ADARB2: variants seen among roughly 807,000 people sequenced by gnomAD.
ADARB2 encodes the protein inactive double-stranded RNA-specific editase B2.
ADARB2 carries 25 observed loss-of-function variants against 62.2 expected under a neutral mutation model. The observed-to-expected ratio is 0.40, with a 90% CI of 0.29 to 0.56. ADARB2 has a LOEUF of 0.56. ADARB2 is among the 20% of genes least tolerant of loss of function. ADARB2 has a pLI of 0.43. For missense variants in ADARB2, 1,071 were observed against 1,077.4 expected (o/e 0.99, Z 0.08); for synonymous variants, 572 against 500.8 (o/e 1.14, Z -1.90).
At chr10:1,250,932 C>T (rs112262399) in intron 4 of ADARB2, among the ~76,000 whole-genome samples, 6 of 152,232 alleles carry the variant, frequency 3.9e-5, no homozygotes, top group African/African-American at 1.2e-4. Context: ...GAAATTGACC[C>T]AACACGTGCA....
intron 1 of ADARB2, among the ~76,000 whole-genome samples, chr10:1,381,173 T>TAC (rs57463053): frequency 2.8e-4 from 43 of 151,588 alleles, no homozygotes; most frequent in African/African-American, 1.0e-3. Context: ...TTTGTGCATA[T>TAC]ACACACACAC....
At chr10:1,443,629 A>T (rs899568565) in intron 1 of ADARB2, among the ~76,000 whole-genome samples, 1 of 152,226 alleles carries the variant, frequency 6.6e-6, no homozygotes, top group African/African-American at 2.4e-5. Context: ...TAAGACATTA[A>T]TAGAAACCTC....
chr10:1,331,506 G>A (rs138552464), intron 3 of ADARB2, among the ~76,000 whole-genome samples: 38 of 152,180 alleles, frequency 2.5e-4, no homozygotes, highest in African/African-American at 8.9e-4. Flanking sequence ...GCTCACTTAT[G>A]TGTGATTCTA....
chr10:1,474,464 G>A (rs924576015), intron 1 of ADARB2, among the ~76,000 whole-genome samples: 4 of 152,184 alleles, frequency 2.6e-5, no homozygotes, highest in Admixed American at 6.5e-5. Flanking sequence ...CCTCTTCTGC[G>A]GGCTAGGAGG....
chr10:1,316,286 C>T (rs1394088862), intron 3 of ADARB2, among the ~76,000 whole-genome samples: 1 of 152,254 alleles, frequency 6.6e-6, no homozygotes, highest in African/African-American at 2.4e-5. Flanking sequence ...TGGTGCCAGG[C>T]TGCTGGGCTT....
chr10:1,454,961 C>T (rs536781563), intron 1 of ADARB2, among the ~76,000 whole-genome samples: 2 of 152,336 alleles, frequency 1.3e-5, no homozygotes, highest in South Asian at 2.1e-4. Flanking sequence ...TTAATACCAA[C>T]AAGCGACAGA....
chr10:1,360,761 C>T (rs539413681), intron 3 of ADARB2, among the ~76,000 whole-genome samples: 38 of 152,270 alleles, frequency 2.5e-4, no homozygotes, highest in African/African-American at 8.2e-4. Flanking sequence ...GTCATCCAGT[C>T]GGGGTGGTTA....
At chr10:1,396,058 G>T (rs76290553) in intron 1 of ADARB2, among the ~76,000 whole-genome samples, 61 of 152,284 alleles carry the variant, frequency 4.0e-4, no homozygotes, top group African/African-American at 1.4e-3. Flanking sequence ...CCTTTTCTAC[G>T]CATTAGACAT....
intron 1 of ADARB2, among the ~76,000 whole-genome samples, chr10:1,444,091 C>A (rs59473343): frequency 0.064 from 9,647 of 150,354 alleles, 318 homozygotes; most frequent in East Asian, 0.081. Flanking sequence ...CATCCATCTA[C>A]ATCCATTCTT....
At chr10:1,365,319 G>A (rs542118256) in intron 2 of ADARB2, among the ~76,000 whole-genome samples, 79 of 152,270 alleles carry the variant, frequency 5.2e-4, no homozygotes, top group African/African-American at 1.9e-3. Context: ...CTTAGGAACT[G>A]TTGTGAGTGT....
intron 1 of ADARB2, among the ~76,000 whole-genome samples, chr10:1,635,717 C>G (rs1032582755): frequency 1.7e-4 from 26 of 152,212 alleles, no homozygotes; most frequent in African/African-American, 6.0e-4. Context: ...AATCATTACT[C>G]AGTTACTCTT....
At chr10:1,633,584 CT>C (rs1833875705) in intron 1 of ADARB2, among the ~76,000 whole-genome samples, 1 of 144,948 alleles carries the variant, frequency 6.9e-6, no homozygotes, top group African/African-American at 2.6e-5. Flanking sequence ...ATCTATCTAT[CT>C]ATCTATCTAT....
intron 1 of ADARB2, among the ~76,000 whole-genome samples, chr10:1,563,189 G>A (rs1227559378): frequency 1.3e-5 from 2 of 152,112 alleles, no homozygotes; most frequent in African/African-American, 2.4e-5. Context: ...GGGTGAGAAC[G>A]TGGTCCCTCT....
At chr10:1,693,555 C>G (rs1201254458) in intron 1 of ADARB2, among the ~76,000 whole-genome samples, 6 of 152,142 alleles carry the variant, frequency 3.9e-5, no homozygotes, top group Non-Finnish European at 8.8e-5. Flanking sequence ...TCAAAACGAC[C>G]TGTGATATTG....
intron 4 of ADARB2, among the ~76,000 whole-genome samples, chr10:1,253,512 C>G (rs1407744873): frequency 1.3e-5 from 2 of 152,212 alleles, no homozygotes; most frequent in Non-Finnish European, 2.9e-5. Flanking sequence ...TAATGTATTT[C>G]CATTTGTTTA....
At chr10:1,488,726 CTG>C (rs1285713250) in intron 1 of ADARB2, among the ~76,000 whole-genome samples, 2 of 152,246 alleles carry the variant, frequency 1.3e-5, no homozygotes, top group Non-Finnish European at 2.9e-5. Context: ...CATGTCTTCT[CTG>C]TGAATTCTGG....
intron 2 of ADARB2, among the ~76,000 whole-genome samples, chr10:1,370,429 G>A (rs1832358381): frequency 6.6e-6 from 1 of 152,168 alleles, no homozygotes; most frequent in Non-Finnish European, 1.5e-5. Flanking sequence ...ACTTAAAATA[G>A]TACTGGAAGT....
intron 1 of ADARB2, among the ~76,000 whole-genome samples, chr10:1,657,329 G>GA (rs1481812745): frequency 7.2e-5 from 11 of 152,180 alleles, no homozygotes; most frequent in African/African-American, 2.4e-4. Flanking sequence ...CACACAGGAA[G>GA]TGAGATTTAG....
intron 1 of ADARB2, among the ~76,000 whole-genome samples, chr10:1,722,851 C>A (rs1205656384): frequency 6.6e-6 from 1 of 152,174 alleles, no homozygotes; most frequent in Non-Finnish European, 1.5e-5. Flanking sequence ...ACCCTCAAAT[C>A]AAAAACGTGT....
Sources: allele counts gnomAD v4.1 joint callset (sites outside exome capture counted in the v4.1 genomes callset), GRCh38; gene constraint gnomAD v4.1.1; transcripts MANE v1.5; gene names NCBI Gene and HGNC (gene_info 2026-07-23, HGNC 2026-07-21).